DAPK1: variants seen among roughly 807,000 people sequenced by gnomAD.
DAPK1 encodes the protein death-associated protein kinase 1.
A neutral mutation model predicts 144.9 loss-of-function variants in DAPK1; 56 were observed. The ratio of observed to expected loss-of-function variants is 0.39; its 90% confidence interval spans 0.31 to 0.48. The LOEUF (loss-of-function observed/expected upper bound fraction) is 0.48. DAPK1 is among the 20% of genes least tolerant of loss of function. The probability of loss-of-function intolerance (pLI) is 0.95; values close to 1 mark genes in which losing one functional copy is unlikely to be tolerated. For missense variants in DAPK1, 1,454 were observed against 1,875.4 expected, an observed-to-expected ratio of 0.78 and a Z score of 4.15; for synonymous variants, 690 against 749.0, an observed-to-expected ratio of 0.92 and a Z score of 1.29.
At chr9:87,603,924 T>TTTA (rs1351680776) in intron 2 of DAPK1, among the ~76,000 whole-genome samples, 1 of 152,216 alleles carries the variant, frequency 6.6e-6, no homozygotes, top group Non-Finnish European at 1.5e-5. Context: ...TGCTGTGATG[T>TTTA]TTAAGGTGCT....
intron 3 of DAPK1, among the ~76,000 whole-genome samples, chr9:87,634,829 G>A (rs1033114074): frequency 2.0e-5 from 3 of 152,106 alleles, no homozygotes; most frequent in Admixed American, 6.5e-5. Context: ...TGGTGGGAAT[G>A]TGACACCTCG....
chr9:87,701,603 C>T (rs1825454677), intron 24 of DAPK1, among the ~76,000 whole-genome samples: 1 of 152,098 alleles, frequency 6.6e-6, no homozygotes, highest in Non-Finnish European at 1.5e-5. Context: ...AAAGGGCGAG[C>T]GTCCCAGTGG....
At chr9:87,590,840 C>G (rs1828107297) in intron 2 of DAPK1, among the ~76,000 whole-genome samples, 1 of 152,232 alleles carries the variant, frequency 6.6e-6, no homozygotes, top group Admixed American at 6.5e-5. Flanking sequence ...TCTCCCACCT[C>G]AGCCTCCCGA....
intron 3 of DAPK1, among the ~76,000 whole-genome samples, chr9:87,609,063 G>A (rs36207729): frequency 1.3e-5 from 2 of 152,180 alleles, no homozygotes; most frequent in Admixed American, 6.5e-5. Context: ...GTCAATCTGC[G>A]GGAGGCCCGA....
intron 18 of DAPK1, among the ~76,000 whole-genome samples, chr9:87,666,574 A>G (rs929658340): frequency 4.6e-5 from 7 of 151,568 alleles, no homozygotes; most frequent in African/African-American, 1.7e-4. Context: ...CCCAGGTTCA[A>G]GCGATTCTTA....
At chr9:87,632,704 A>G (rs1201880551) in intron 3 of DAPK1, 2 of 980,362 alleles carry the variant, frequency 2.0e-6, no homozygotes, top group Non-Finnish European at 2.4e-6. Flanking sequence ...ATGAAGGAAG[A>G]TGAGTATACA....
chr9:87,704,172 A>T (rs1825553703), intron 25 of DAPK1, among the ~76,000 whole-genome samples: 1 of 152,202 alleles, frequency 6.6e-6, no homozygotes, highest in African/African-American at 2.4e-5. Flanking sequence ...CTGCCAACTC[A>T]TCCAGGAATA....
intron 2 of DAPK1, among the ~76,000 whole-genome samples, chr9:87,504,463 G>A (rs1320215413): frequency 6.6e-6 from 1 of 152,182 alleles, no homozygotes; most frequent in Non-Finnish European, 1.5e-5. Flanking sequence ...CAGGAACAGA[G>A]TAGGTGGAGG....
intron 2 of DAPK1, among the ~76,000 whole-genome samples, chr9:87,595,506 C>T (rs1210255565): frequency 6.6e-6 from 1 of 152,210 alleles, no homozygotes; most frequent in East Asian, 1.9e-4. Context: ...GTTTAATCCT[C>T]AGCCGCTCTG....
intron 2 of DAPK1, among the ~76,000 whole-genome samples, chr9:87,540,773 C>A (rs552972594): frequency 6.6e-6 from 1 of 152,264 alleles, no homozygotes; most frequent in South Asian, 2.1e-4. Context: ...CATACCACAG[C>A]GTAGTTGCTC....
At chr9:87,585,778 G>A (rs925946446) in intron 2 of DAPK1, among the ~76,000 whole-genome samples, 1 of 152,168 alleles carries the variant, frequency 6.6e-6, no homozygotes, top group African/African-American at 2.4e-5. Flanking sequence ...TGTGGCCATC[G>A]AGCACTTGAA....
intron 17 of DAPK1, among the ~76,000 whole-genome samples, chr9:87,652,823 C>T (rs541851377): frequency 2.2e-4 from 33 of 149,652 alleles, no homozygotes; most frequent in African/African-American, 7.7e-4. Flanking sequence ...ATTCTGTGTC[C>T]ATCCCCCTGA....
At chr9:87,563,968 GT>G (rs1827024428) in intron 2 of DAPK1, among the ~76,000 whole-genome samples, 2 of 152,218 alleles carry the variant, frequency 1.3e-5, no homozygotes, top group African/African-American at 2.4e-5. Flanking sequence ...CAATGGCATA[GT>G]TTTTGGCGCC....
chr9:87,624,258 C>CCA (rs1206010567), intron 3 of DAPK1, among the ~76,000 whole-genome samples: 3 of 152,180 alleles, frequency 2.0e-5, no homozygotes. Flanking sequence ...AAGATGTCCT[C>CCA]CACATGACTG....
chr9:87,705,536 T>C (rs1316509148), intron 25 of DAPK1, among the ~76,000 whole-genome samples: 3 of 152,196 alleles, frequency 2.0e-5, no homozygotes, highest in African/African-American at 7.2e-5. Flanking sequence ...ACATTTAAGC[T>C]GATCAGTTGT....
chr9:87,612,666 A>T (rs988990214), intron 3 of DAPK1, among the ~76,000 whole-genome samples: 1 of 152,256 alleles, frequency 6.6e-6, no homozygotes, highest in African/African-American at 2.4e-5. Context: ...CTAAAATTCT[A>T]TAAGCAAGTT....
chr9:87,641,348 C>T (rs1295928806), intron 9 of DAPK1, among the ~76,000 whole-genome samples: 1 of 152,152 alleles, frequency 6.6e-6, no homozygotes, highest in East Asian at 1.9e-4. Flanking sequence ...ATTAAAGTAT[C>T]TTCAATCCAG....
At chr9:87,590,369 C>CAAAAAAAAA (rs200588801) in intron 2 of DAPK1, among the ~76,000 whole-genome samples, 1 of 85,718 alleles carries the variant, frequency 1.2e-5, no homozygotes, top group Admixed American at 1.3e-4. Context: ...TCATTGGCCT[C>CAAAAAAAAA]AAAAAAAAAA....
rs957209912 is a variant in DAPK1, at chr9:87,708,287, C to T, written c.*923C>T. The T allele has an allele frequency of 3.9e-5, 6 of 154,898 alleles. No individual in the cohort carries two copies. Among genetic ancestry groups the T allele is most frequent in the Admixed American group, 1.3e-4 (2 of 15,472 alleles). 9.6% of individuals were successfully genotyped at this position (154,898 alleles called of 1,614,324 possible). ...AGAATTCAGAAGACCCCTGACTCAT[C>T]ATTTGTGGCAGTCCCTTATAATTGG... On this transcript the variant is annotated 3_prime_UTR_variant, in exon 26 of 26. Coordinates refer to ENST00000408954, the MANE Select transcript of DAPK1 (RefSeq NM_004938.4).
Sources: gnomAD v4.1 joint callset for allele counts (sites outside exome capture counted in the v4.1 genomes callset) on GRCh38, gnomAD v4.1.1 for gene constraint, MANE v1.5 for transcripts, NCBI Gene and HGNC (gene_info 2026-07-23, HGNC 2026-07-21) for gene names.